The following RARG variants were observed in gnomAD, a reference collection of about 807,000 sequenced individuals.
RARG encodes the protein retinoic acid receptor gamma, also known as RAR-gamma.
A neutral mutation model predicts 43.7 loss-of-function variants in RARG; 17 were observed. That is an observed-to-expected ratio of 0.39 (90% CI 0.27 to 0.58). The LOEUF (loss-of-function observed/expected upper bound fraction) is 0.58, where lower values mean the gene tolerates loss of function less well. Among genes scored for constraint, RARG ranks in the 20% least tolerant of loss-of-function variants. The pLI is 0.57. For synonymous variants in RARG, 238 were observed against 236.4 expected (o/e 1.01, Z -0.06); for missense variants, 346 against 598.7 (o/e 0.58, Z 4.40).
chr12:53,220,038 G>A, intron 3 of RARG: 1 of 1,541,324 alleles, frequency 6.5e-7, no homozygotes, highest in Non-Finnish European at 8.8e-7. Flanking sequence ...AGCCGGCCCC[G>A]GGCCCGGCCG....
At position 53,213,601 on chromosome 12, in the gene RARG, C is replaced by T. The variant is rs1043996038; in HGVS notation, c.913G>A (p.Gly305Arg). ...GCAAAGACAAGGTCTGTGAGGGGCC[C>T]GAAGCCGGCATTGTGCATCTGGGTC... is the stretch of plus-strand genomic sequence containing the variant. ...NRTQMHNAGF[G>R]PLTDLVFAFA... Residue 305 changes from glycine (G) to arginine (R), a missense_variant, in exon 8 of 10, where the codon GGG (glycine) becomes AGG (arginine). Physicochemically the swap from Gly to Arg is moderately radical, Grantham distance 125. Coordinates refer to ENST00000425354, the MANE Select transcript of RARG (RefSeq NM_000966.6). The surrounding 1 kb of genome is among the most constrained non-coding windows in gnomAD (Gnocchi z 4.7). The T allele has an allele frequency of 6.2e-7, 1 of 1,613,880 alleles. No individual in the cohort carries two copies. Among genetic ancestry groups the T allele is most frequent in the Non-Finnish European group, 8.5e-7 (1 of 1,179,930 alleles).
At position 53,222,227 on chromosome 12, in the gene RARG, A is replaced by G. The variant is rs542243808; in HGVS notation, c.184+5135T>C. On this transcript the variant is annotated intron_variant, in intron 3 of 9. Coordinates refer to ENST00000425354, the MANE Select transcript of RARG (RefSeq NM_000966.6). ...CCGAACCCCACAAAAAAAAGAAAGAAAGAGAGAGAAAGAAAAGAAAGAGAA... is the reference window on the plus strand; with the variant it reads ...CCGAACCCCACAAAAAAAAGAAAGAGAGAGAGAGAAAGAAAAGAAAGAGAA... 1.8e-3 allele frequency among the ~76,000 whole-genome samples: 256 copies of G among 139,860 alleles called. 3 individuals are homozygous for G. In the East Asian group the frequency reaches 0.027, roughly 15 times the overall value. 91.8% of individuals were successfully genotyped at this position (139,860 alleles called of 152,430 possible). A position where few individuals can be genotyped will look rare whatever the true frequency, so the allele number is the denominator to read the frequency against.
chr12:53,232,055 C>T lies in RARG; in HGVS notation c.-291G>A. The T allele has an allele frequency of 2.5e-6, 1 of 398,512 alleles. No homozygotes were observed. The highest frequency in any genetic ancestry group is 4.4e-6 in the Non-Finnish European group (1 of 226,010). The allele number at this position is 398,512 out of a possible 1,614,324, so 24.7% of individuals were successfully genotyped here. On this transcript the variant is annotated 5_prime_UTR_variant, in exon 1 of 10. Coordinates refer to ENST00000425354, the MANE Select transcript of RARG (RefSeq NM_000966.6). ...TCTCTTGGATGGAGCGTCGCAATGTCCGGGGCTCGCCGTACTGGGGGGCTC... is the reference window on the plus strand; with the variant it reads ...TCTCTTGGATGGAGCGTCGCAATGTTCGGGGCTCGCCGTACTGGGGGGCTC...
In RARG at chr12:53,213,423, CCAGA is replaced by C; in HGVS notation, c.1018+69_1018+72del. The C allele has an allele frequency of 1.3e-6, 2 of 1,555,060 alleles. No individual in the cohort carries two copies. Among genetic ancestry groups the C allele is most frequent in the Non-Finnish European group, 1.8e-6 (2 of 1,134,842 alleles). ...ACCACTGGGTCCTCCACGCCCCCTC[CCAGA>C]CAGATTCCGCATGGAGTGGTGGGAA... is the stretch of plus-strand genomic sequence containing the variant. On this transcript the variant is annotated intron_variant, in intron 8 of 9. Coordinates refer to ENST00000425354, the MANE Select transcript of RARG (RefSeq NM_000966.6). The surrounding 1 kb of genome is among the most constrained non-coding windows in gnomAD (Gnocchi z 4.7).
Position 53,214,592 on chromosome 12 carries a change from G to A in RARG, c.490C>T (p.Arg164Trp), listed in dbSNP as rs140755478. 20 of 1,604,424 alleles carry A rather than the reference G, an allele frequency of 1.2e-5. No homozygotes were observed. Among genetic ancestry groups the A allele is most frequent in the Admixed American group, 3.3e-5 (2 of 59,784 alleles). Reference protein sequence around the residue: ...GMSKEAVRNDRNKKKKEVKEE... With the variant: ...GMSKEAVRNDWNKKKKEVKEE... Reference sequence around the variant, plus strand: ...TTCACCTCTTTCTTCTTCTTGTTCCGGTCATTTCGCACAGCTTGTGGGTGG... The same window carrying A: ...TTCACCTCTTTCTTCTTCTTGTTCCAGTCATTTCGCACAGCTTGTGGGTGG... Residue 164 changes from arginine to tryptophan, a missense_variant, in exon 6 of 10, where the codon CGG (arginine) becomes TGG (tryptophan). Coordinates refer to ENST00000425354, the MANE Select transcript of RARG (RefSeq NM_000966.6).
At chr12:53,212,735 T>TACACACACAC (rs200052709) in intron 9 of RARG, among the ~76,000 whole-genome samples, 1 of 136,942 alleles carries the variant, frequency 7.3e-6, no homozygotes, top group African/African-American at 3.2e-5. Context: ...TAAATATATA[T>TACACACACAC]ATACACACAC....
rs1381855836 is a variant in RARG at position 53,219,802 on chromosome 12, T to C, written c.185-4008A>G. 4 of 686,400 alleles carry C rather than the reference T, an allele frequency of 5.8e-6. No individual in the cohort carries two copies. In the African/African-American group the frequency reaches 7.5e-5, roughly 13 times the overall value. 42.5% of individuals were successfully genotyped at this position (686,400 alleles called of 1,614,324 possible). The stretch of plus-strand genomic sequence containing the variant: ...TACTGCACACACGCAAAGGAGACGC[T>C]GAGGCCCCCACGTTTAAAGGGCCAG... On this transcript the variant is annotated intron_variant, in intron 3 of 9. Transcript: ENST00000425354.
Position 53,215,583 on chromosome 12 carries a change from C to T in RARG, c.333+63G>A, listed in dbSNP as rs1942737074. ...CTGCTCAGACACAGCATCTGTGTGC[C>T]TGGTCTCTCATCTTACTAGGGTAAC... is the stretch of plus-strand genomic sequence containing the variant. On this transcript the variant is annotated intron_variant, in intron 4 of 9. Transcript: ENST00000425354. This position sits in a 1 kb window ranked among gnomAD's most constrained non-coding sequence, Gnocchi z 6.4. The T allele has an allele frequency of 6.3e-7, 1 of 1,587,004 alleles. No homozygotes were observed. Among genetic ancestry groups the T allele is most frequent in the Admixed American group, 1.7e-5 (1 of 59,058 alleles).
At position 53,210,659 on chromosome 12, in the gene RARG, G is replaced by A. The variant is rs1942563072; in HGVS notation, c.*1017C>T. 1 of 152,590 alleles carries A rather than the reference G, an allele frequency of 6.6e-6. No homozygotes were observed. Among genetic ancestry groups the A allele is most frequent in the Admixed American group, 6.5e-5 (1 of 15,272 alleles). 9.5% of individuals were successfully genotyped at this position (152,590 alleles called of 1,614,324 possible). A position where few individuals can be genotyped will look rare whatever the true frequency, so the allele number is the denominator to read the frequency against. On this transcript the variant is annotated 3_prime_UTR_variant, in exon 10 of 10. Coordinates refer to ENST00000425354, the MANE Select transcript of RARG (RefSeq NM_000966.6). ...GGGGAGATGTAAACAGAGGGGAGGG[G>A]ACAGCACCCTGACCCCCCAAGAGAA...
rs1943144663 is a variant in RARG at position 53,227,853 on chromosome 12, A to C, written c.-142-166T>G. Among the ~76,000 whole-genome samples the C allele has an allele frequency of 6.6e-6, 1 of 152,176 alleles. No homozygotes were observed. The highest frequency in any genetic ancestry group is 2.4e-5 in the African/African-American group (1 of 41,456). The stretch of plus-strand genomic sequence containing the variant: ...GGTAGAGAGGGCACGGCAGGGGGTT[A>C]TGCAGGCTCTGAGAAACTCTCCAGA... On this transcript the variant is annotated intron_variant, in intron 2 of 9. Transcript: ENST00000425354. The surrounding 1 kb of genome is among the most constrained non-coding windows in gnomAD (Gnocchi z 4.3).
Position 53,227,308 on chromosome 12 carries a change from C to G in RARG, c.184+54G>C. ...GCCAACTCTTTTACCATCCACCCTC[C>G]TGATGCCTTCTTGTTAACATTTGCC... is the stretch of plus-strand genomic sequence containing the variant. On this transcript the variant is annotated intron_variant, in intron 3 of 9. Transcript: ENST00000425354. This position sits in a 1 kb window ranked among gnomAD's most constrained non-coding sequence, Gnocchi z 4.3. 1 of 1,475,210 alleles carries G rather than the reference C, an allele frequency of 6.8e-7. No individual in the cohort carries two copies. The allele number at this position is 1,475,210 out of a possible 1,614,324, so 91.4% of individuals were successfully genotyped here.
chr12:53,226,751 A>G (rs1329304273), intron 3 of RARG, among the ~76,000 whole-genome samples: 1 of 151,840 alleles, frequency 6.6e-6, no homozygotes, highest in African/African-American at 2.4e-5. Context: ...AGCTGGGACT[A>G]CAAGTGTGCG....
In RARG at chr12:53,213,934, G is replaced by T. The variant is rs968223970; in HGVS notation, c.813+125C>A. ...AGGGGCAGAGGCTAAGACGAAAAGA[G>T]AGCTGAGGAGTCCCACATGTGTGGC... On this transcript the variant is annotated intron_variant, in intron 7 of 9. Transcript: ENST00000425354. The surrounding 1 kb of genome is among the most constrained non-coding windows in gnomAD (Gnocchi z 4.7). 8.9e-6 allele frequency: 11 copies of T among 1,230,672 alleles called. No individual in the cohort carries two copies. Among genetic ancestry groups the T allele is most frequent in the Admixed American group, 4.1e-5 (2 of 48,912 alleles). The allele number at this position is 1,230,672 out of a possible 1,614,324, so 76.2% of individuals were successfully genotyped here.
In RARG at chr12:53,210,706, T is replaced by C. The variant is rs1942564976; in HGVS notation, c.*970A>G. The stretch of plus-strand genomic sequence containing the variant: ...AGAACACAGGGAGCCAATGGGAATC[T>C]TATTTGGCAGCTAAATACAAACTGG... On this transcript the variant is annotated 3_prime_UTR_variant, in exon 10 of 10. Coordinates refer to ENST00000425354, the MANE Select transcript of RARG (RefSeq NM_000966.6). The C allele has an allele frequency of 6.5e-6, 1 of 152,682 alleles. No homozygotes were observed. Among genetic ancestry groups the C allele is most frequent in the Non-Finnish European group, 1.5e-5 (1 of 68,086 alleles). 9.5% of individuals were successfully genotyped at this position (152,682 alleles called of 1,614,324 possible). A position where few individuals can be genotyped will look rare whatever the true frequency, so the allele number is the denominator to read the frequency against.
chr12:53,213,237 A>G lies in RARG; in HGVS notation c.1025T>C (p.Met342Thr), dbSNP rs1942657133. The change falls in exon 9 of 10, where the codon ATG becomes ACG. Residue 342 changes from methionine (M) to threonine (T), a missense_variant. Transcript: ENST00000425354. The surrounding 1 kb of genome is among the most constrained non-coding windows in gnomAD (Gnocchi z 4.7). ...CACTTTTTCGGGCTCCTCCAGGTCC[A>G]TGCGGTCTATGGGGACAAGTATACT... ...SAICLICGDRMDLEEPEKVDK... is the reference protein window; with the variant it reads ...SAICLICGDRTDLEEPEKVDK... The G allele has an allele frequency of 7.6e-6, 12 of 1,577,578 alleles. No homozygotes were observed. Among genetic ancestry groups the G allele is most frequent in the Non-Finnish European group, 1.0e-5 (12 of 1,147,122 alleles).
chr12:53,213,034 G>A lies in RARG; in HGVS notation c.1177+51C>T. On this transcript the variant is annotated intron_variant, in intron 9 of 9. Coordinates refer to ENST00000425354, the MANE Select transcript of RARG (RefSeq NM_000966.6). This position sits in a 1 kb window ranked among gnomAD's most constrained non-coding sequence, Gnocchi z 4.7. ...CTGTGTGTCCTCCTGTCCGACCTGG[G>A]AGACCAACAGCCCTGGGAAGACAGA... 2 of 1,550,326 alleles carry A rather than the reference G, an allele frequency of 1.3e-6. No homozygotes were observed. Among genetic ancestry groups the A allele is most frequent in the Non-Finnish European group, 1.8e-6 (2 of 1,141,462 alleles).
At chr12:53,217,493 GCAGTGC>G (rs951167982) in intron 3 of RARG, among the ~76,000 whole-genome samples, 1 of 152,208 alleles carries the variant, frequency 6.6e-6, no homozygotes, top group Non-Finnish European at 1.5e-5. Flanking sequence ...CTGGCATGGG[GCAGTGC>G]CAGCCAATTA....
intron 3 of RARG, among the ~76,000 whole-genome samples, chr12:53,223,529 C>CCT (rs1555181937): frequency 6.7e-6 from 1 of 149,344 alleles, no homozygotes. Flanking sequence ...CCCCGCCCCC[C>CCT]CCCCGCCCAA....
In RARG at chr12:53,227,417, G is replaced by A; in HGVS notation, c.129C>T (p.Ser43=). 1 of 1,606,900 alleles carries A rather than the reference G, an allele frequency of 6.2e-7. No individual in the cohort carries two copies. Among genetic ancestry groups the A allele is most frequent in the South Asian group, 1.1e-5 (1 of 89,808 alleles). The part of the protein sequence containing the change: ...LRGSPPFEML[S]PSFRGLGQPD... ...GCTGGCCCAGGCCCCGGAAGCTAGGGCTCAGCATCTCGAAAGGCGGAGACC... is the reference window on the plus strand; with the variant it reads ...GCTGGCCCAGGCCCCGGAAGCTAGGACTCAGCATCTCGAAAGGCGGAGACC... Residue 43 remains serine, a synonymous_variant, in exon 3 of 10, where the codon AGC becomes AGT. Coordinates refer to ENST00000425354, the MANE Select transcript of RARG (RefSeq NM_000966.6). The surrounding 1 kb of genome is among the most constrained non-coding windows in gnomAD (Gnocchi z 4.3).
Sources: allele counts gnomAD v4.1 joint callset (sites outside exome capture counted in the v4.1 genomes callset), GRCh38; gene constraint gnomAD v4.1.1; non-coding constraint Gnocchi (gnomAD v3.1); transcripts MANE v1.5; gene names NCBI Gene and HGNC (gene_info 2026-07-23, HGNC 2026-07-21).